MEI4: variants seen among roughly 807,000 people sequenced by gnomAD.
MEI4 encodes meiosis-specific protein MEI4.
A neutral mutation model predicts 31.4 loss-of-function variants in MEI4; 27 were observed. The ratio of observed to expected loss-of-function variants is 0.86; its 90% CI spans 0.63 to 1.19. MEI4 has a LOEUF of 1.19. Ranked by LOEUF, MEI4 falls within the 50% of genes most tolerant of loss-of-function variation. The pLI, the probability that MEI4 is intolerant of heterozygous loss-of-function variation, is 0.00. For synonymous variants in MEI4, 122 were observed against 145.4 expected (o/e 0.84, Z 1.16); for missense variants, 329 against 398.9 (o/e 0.82, Z 1.49).
chr6:77,681,238 G>A (rs1269029513), intron 1 of MEI4, among the ~76,000 whole-genome samples: 2 of 152,036 alleles, frequency 1.3e-5, no homozygotes, highest in South Asian at 2.1e-4. Flanking sequence ...TTTATGACAC[G>A]GGACTGTTTT....
chr6:77,686,293 AAAT>A (rs759167634), intron 1 of MEI4, among the ~76,000 whole-genome samples: 7 of 152,198 alleles, frequency 4.6e-5, no homozygotes, highest in Non-Finnish European at 8.8e-5. Context: ...ATAAGTAAGA[AAAT>A]AATATCATTC....
chr6:77,808,188 CTAATA>C (rs1769487511), intron 3 of MEI4, among the ~76,000 whole-genome samples: 1 of 152,058 alleles, frequency 6.6e-6, no homozygotes, highest in African/African-American at 2.4e-5. Context: ...TCAATATTCA[CTAATA>C]TAAGTATTCA....
Position 77,926,644 on chromosome 6 carries a change from G to A in MEI4, c.*3298G>A, listed in dbSNP as rs1315876440. The A allele has an allele frequency of 2.0e-5, 3 of 151,868 alleles. No homozygotes were observed. The highest frequency in any genetic ancestry group is 1.3e-4 in the Admixed American group (2 of 15,184). The allele number at this position is 151,868 out of a possible 1,614,324, so 9.4% of individuals were successfully genotyped here. On this transcript the variant is annotated 3_prime_UTR_variant, in exon 5 of 5. Transcript: ENST00000684080. The stretch of plus-strand genomic sequence containing the variant: ...GATTTTCTGAACGCCATATTATGGG[G>A]AAAATATTGACAGCTCTGCTTTATT...
chr6:77,791,963 G>C (rs1045353051), intron 3 of MEI4, among the ~76,000 whole-genome samples: 1 of 152,056 alleles, frequency 6.6e-6, no homozygotes, highest in Non-Finnish European at 1.5e-5. Context: ...CCTCAACCCT[G>C]CACTGATAAC....
chr6:77,788,516 T>C (rs7764740), intron 3 of MEI4, among the ~76,000 whole-genome samples: 48,768 of 151,750 alleles, frequency 0.32, 8,160 homozygotes, highest in East Asian at 0.48. Flanking sequence ...ATTGTCTCAG[T>C]CCAAAATCTC....
At chr6:77,882,725 C>G (rs1444407167) in intron 4 of MEI4, among the ~76,000 whole-genome samples, 1 of 152,070 alleles carries the variant, frequency 6.6e-6, no homozygotes, top group African/African-American at 2.4e-5. Flanking sequence ...TCAGGGCCTG[C>G]AAATTACCAG....
intron 3 of MEI4, among the ~76,000 whole-genome samples, chr6:77,766,970 T>G (rs2127684867): frequency 1.3e-5 from 2 of 152,302 alleles, no homozygotes; most frequent in Admixed American, 1.3e-4. Context: ...TGAGATTTTT[T>G]ATGTTCATGG....
intron 2 of MEI4, among the ~76,000 whole-genome samples, chr6:77,757,696 A>T (rs763648392): frequency 1.3e-5 from 2 of 152,218 alleles, no homozygotes; most frequent in African/African-American, 4.8e-5. Context: ...GATTAATGCA[A>T]TTGTTCTGTT....
At chr6:77,692,823 T>A (rs779851306) in intron 2 of MEI4, among the ~76,000 whole-genome samples, 14 of 151,956 alleles carry the variant, frequency 9.2e-5, no homozygotes, top group Non-Finnish European at 2.1e-4. Flanking sequence ...ATCCCTGGAA[T>A]ATGGATTACC....
intron 1 of MEI4, among the ~76,000 whole-genome samples, chr6:77,672,105 C>T (rs189939921): frequency 4.6e-5 from 7 of 152,286 alleles, no homozygotes; most frequent in Admixed American, 4.6e-4. Flanking sequence ...AACAGGTGAT[C>T]TTTCTACTGG....
chr6:77,881,086 CTT>C (rs5877573), intron 4 of MEI4, among the ~76,000 whole-genome samples: 200 of 146,204 alleles, frequency 1.4e-3, no homozygotes, highest in Non-Finnish European at 1.2e-3. Flanking sequence ...TACTTACTGT[CTT>C]TTTTTTTTTT....
At chr6:77,824,985 G>A (rs12528041) in intron 3 of MEI4, among the ~76,000 whole-genome samples, 13,992 of 152,048 alleles carry the variant, frequency 0.092, 929 homozygotes, top group East Asian at 0.31. Context: ...CTTGTTCAGT[G>A]ATAATTAGGT....
intron 4 of MEI4, among the ~76,000 whole-genome samples, chr6:77,831,405 T>C (rs1176130764): frequency 1.3e-5 from 2 of 151,722 alleles, no homozygotes; most frequent in Admixed American, 6.6e-5. Flanking sequence ...GCTGGCTATG[T>C]ATCCAAAAGA....
intron 3 of MEI4, among the ~76,000 whole-genome samples, chr6:77,796,704 C>T (rs1384530980): frequency 6.6e-6 from 1 of 152,074 alleles, no homozygotes; most frequent in Non-Finnish European, 1.5e-5. Context: ...AACTGAAAGA[C>T]AAGAGTTTAA....
chr6:77,719,372 A>C (rs1766662251), intron 2 of MEI4, among the ~76,000 whole-genome samples: 1 of 133,562 alleles, frequency 7.5e-6, no homozygotes, highest in Non-Finnish European at 1.6e-5. Context: ...CCCGCTTACC[A>C]TGTGATAAGT....
At chr6:77,917,619 T>TTTGC (rs1213136059) in intron 4 of MEI4, among the ~76,000 whole-genome samples, 1 of 46,340 alleles carries the variant, frequency 2.2e-5, no homozygotes, top group Non-Finnish European at 3.5e-5. Context: ...GATGGGGTTG[T>TTTGC]TTTTTTCTTG....
intron 2 of MEI4, among the ~76,000 whole-genome samples, chr6:77,698,724 G>C (rs1219379344): frequency 6.6e-6 from 1 of 152,018 alleles, no homozygotes; most frequent in African/African-American, 2.4e-5. Flanking sequence ...TTCAACTTTG[G>C]TGAATCTGAC....
At chr6:77,750,098 C>T (rs1481103872) in intron 2 of MEI4, among the ~76,000 whole-genome samples, 1 of 152,174 alleles carries the variant, frequency 6.6e-6, no homozygotes, top group East Asian at 1.9e-4. Flanking sequence ...CCAAGCCTGC[C>T]TTATGAGAGC....
At chr6:77,671,971 G>A (rs143180572) in intron 1 of MEI4, among the ~76,000 whole-genome samples, 160 of 152,284 alleles carry the variant, frequency 1.1e-3, no homozygotes, top group Middle Eastern at 3.4e-3. Flanking sequence ...ATTACTGGGC[G>A]TGTAGGGAGT....
Sources: gnomAD v4.1 joint callset for allele counts (sites outside exome capture counted in the v4.1 genomes callset) on GRCh38, gnomAD v4.1.1 for gene constraint, MANE v1.5 for transcripts, NCBI Gene and HGNC (gene_info 2026-07-23, HGNC 2026-07-21) for gene names.